Variants in TRABD2A observed in about 807,000 individuals in gnomAD.
TRABD2A encodes TraB domain containing 2A.
Under a neutral mutation model 45.6 loss-of-function variants are expected in TRABD2A, and 43 were observed. The observed-to-expected ratio is 0.94, with a 90% CI of 0.74 to 1.22. The LOEUF (loss-of-function observed/expected upper bound fraction) is 1.22. Among genes scored for constraint, TRABD2A ranks in the 50% most tolerant of loss-of-function variants. The probability of loss-of-function intolerance (pLI) is 0.00; values close to 1 mark genes in which losing one functional copy is unlikely to be tolerated. For synonymous variants in TRABD2A, 269 were observed against 265.0 expected, an observed-to-expected ratio of 1.02 and a Z score of -0.15; for missense variants, 642 against 652.4, an observed-to-expected ratio of 0.98 and a Z score of 0.17.
intron 2 of TRABD2A, among the ~76,000 whole-genome samples, chr2:84,863,227 C>T (rs1396445129): frequency 6.9e-6 from 1 of 143,954 alleles, no homozygotes; most frequent in Non-Finnish European, 1.5e-5. Context: ...AAAGGTTAGA[C>T]TTCATGTGAA....
At chr2:84,839,086 A>G in intron 4 of TRABD2A, 63 bp downstream of exon 4, 1 of 1,588,814 alleles carries the variant, frequency 6.3e-7, no homozygotes, top group Non-Finnish European at 8.6e-7. Flanking sequence ...GCTCACCTCA[A>G]CATTCCCTTC....
At chr2:84,868,066 C>T (rs903902640) in intron 2 of TRABD2A, among the ~76,000 whole-genome samples, 3 of 152,050 alleles carry the variant, frequency 2.0e-5, no homozygotes, top group African/African-American at 7.2e-5. Context: ...ACCATTTGGC[C>T]CAGCCATGCC....
At chr2:84,849,561 C>T (rs545968798) in intron 2 of TRABD2A, 8 of 152,346 alleles carry the variant, frequency 5.3e-5, no homozygotes, top group Admixed American at 4.6e-4. Context: ...GCTTGTACAC[C>T]AGATGGGCAT....
intron 5 of TRABD2A, among the ~76,000 whole-genome samples, chr2:84,831,390 A>C (rs1681332889): frequency 6.6e-6 from 1 of 152,086 alleles, no homozygotes; most frequent in Non-Finnish European, 1.5e-5. Flanking sequence ...AGACTACTAC[A>C]GGGGAAGGGG....
intron 2 of TRABD2A, among the ~76,000 whole-genome samples, chr2:84,855,524 T>C (rs1682266404): frequency 6.6e-6 from 1 of 152,134 alleles, no homozygotes. Flanking sequence ...ATGACACATA[T>C]TCACTCCACC....
At chr2:84,878,807 A>G (rs116532906) in intron 1 of TRABD2A, among the ~76,000 whole-genome samples, 4,006 of 152,302 alleles carry the variant, frequency 0.026, 84 homozygotes, top group South Asian at 0.083. Flanking sequence ...CCCACTGAGG[A>G]ACCCAACCAC....
intron 1 of TRABD2A, among the ~76,000 whole-genome samples, chr2:84,871,695 C>T (rs1251212815): frequency 2.0e-5 from 3 of 152,088 alleles, no homozygotes; most frequent in African/African-American, 4.8e-5. Context: ...CCATATTGGC[C>T]AGGCTGGTCT....
At chr2:84,880,892 G>T (rs757226421) in intron 1 of TRABD2A, 40 bp downstream of exon 1, 8 of 1,557,282 alleles carry the variant, frequency 5.1e-6, no homozygotes, top group Admixed American at 1.9e-5. Flanking sequence ...CCAAGGAGGT[G>T]CAGAGAGGCC....
chr2:84,825,961 G>A (rs922342088), intron 5 of TRABD2A, among the ~76,000 whole-genome samples: 3 of 151,772 alleles, frequency 2.0e-5, no homozygotes, highest in Non-Finnish European at 2.9e-5. Flanking sequence ...CCCCCTCCCC[G>A]ATCCATGGAA....
intron 2 of TRABD2A, among the ~76,000 whole-genome samples, chr2:84,852,406 C>G (rs80123948): frequency 0.053 from 8,062 of 151,624 alleles, 261 homozygotes; most frequent in African/African-American, 0.087. Flanking sequence ...CATGGGGTTA[C>G]GGGAGGAATG....
intron 1 of TRABD2A, among the ~76,000 whole-genome samples, chr2:84,878,742 C>T (rs1324560201): frequency 6.6e-6 from 1 of 152,162 alleles, no homozygotes; most frequent in Non-Finnish European, 1.5e-5. Flanking sequence ...GGGGCTGCTG[C>T]ACTGGATTGG....
chr2:84,864,911 C>G (rs1270259847), intron 2 of TRABD2A, among the ~76,000 whole-genome samples: 1 of 152,186 alleles, frequency 6.6e-6, no homozygotes, highest in Non-Finnish European at 1.5e-5. Flanking sequence ...GCTCCCACTC[C>G]TCCAGCATCC....
intron 1 of TRABD2A, among the ~76,000 whole-genome samples, chr2:84,878,882 C>T (rs1683116811): frequency 2.0e-5 from 3 of 152,192 alleles, no homozygotes; most frequent in Non-Finnish European, 2.9e-5. Context: ...TTCCCAATTC[C>T]GCAGGGGGTA....
At chr2:84,832,731 C>T in intron 4 of TRABD2A, 1 of 152,322 alleles carries the variant, frequency 6.6e-6, no homozygotes. Context: ...ACCCGGGAGG[C>T]AGAGGTTGCA....
At chr2:84,839,032 C>T (rs1349869994) in intron 4 of TRABD2A, 117 bp downstream of exon 4, 3 of 1,172,956 alleles carry the variant, frequency 2.6e-6, no homozygotes, top group Non-Finnish European at 3.6e-6. Context: ...GAAGGTGTCA[C>T]TCCCTTCATC....
chr2:84,841,269 G>T (rs1159484207), intron 3 of TRABD2A, among the ~76,000 whole-genome samples: 1 of 152,188 alleles, frequency 6.6e-6, no homozygotes, highest in Non-Finnish European at 1.5e-5. Flanking sequence ...ATCTTCTGAG[G>T]CTGAGCAGCT....
At chr2:84,848,328 TGATA>T (rs58667309) in intron 2 of TRABD2A, among the ~76,000 whole-genome samples, 31,351 of 125,168 alleles carry the variant, frequency 0.25, 4,364 homozygotes, top group Middle Eastern at 0.29. Context: ...CACATAAAAA[TGATA>T]GATAGATAGA....
rs1239558011 is a variant in TRABD2A, at chr2:84,830,263, T to C, written c.1082+1792A>G. Among the ~76,000 whole-genome samples the C allele has an allele frequency of 6.6e-6, 1 of 152,000 alleles. No individual in the cohort carries two copies. The highest frequency in any genetic ancestry group is 1.5e-5 in the Non-Finnish European group (1 of 67,986). ...GACGTGAGCCTGCAACAGAGCTGAC[T>C]CAGGCAGGGGCGGGATCCTCCCGGT... is the stretch of plus-strand genomic sequence containing the variant. On this transcript the variant is annotated intron_variant, in intron 5 of 6. Transcript: ENST00000409520. This position sits in a 1 kb window ranked among gnomAD's most constrained non-coding sequence, Gnocchi z 4.9.
chr2:84,834,202 G>A (rs544512085), intron 4 of TRABD2A: 2 of 152,298 alleles, frequency 1.3e-5, no homozygotes, highest in South Asian at 2.1e-4. Flanking sequence ...TCAAGAGTGA[G>A]GCCCAGGCTA....
Sources: allele counts gnomAD v4.1 joint callset (sites outside exome capture counted in the v4.1 genomes callset), GRCh38; gene constraint gnomAD v4.1.1; non-coding constraint Gnocchi (gnomAD v3.1); transcripts MANE v1.5; gene names NCBI Gene and HGNC (gene_info 2026-07-23, HGNC 2026-07-21).